AGBL1: variants seen among roughly 807,000 people sequenced by gnomAD.
AGBL1 encodes cytosolic carboxypeptidase 4.
AGBL1 carries 130 observed loss-of-function variants against 118.9 expected under a neutral mutation model. The observed-to-expected ratio is 1.09, with a 90% CI of 0.95 to 1.26. The LOEUF (loss-of-function observed/expected upper bound fraction) is 1.26. Ranked by LOEUF, AGBL1 falls within the 50% of genes most tolerant of loss-of-function variation. The pLI is 0.00. For synonymous variants in AGBL1, 555 were observed against 478.9 expected, an observed-to-expected ratio of 1.16 and a Z score of -2.08; for missense variants, 1,584 against 1,298.1, an observed-to-expected ratio of 1.22 and a Z score of -3.38.
intron 22 of AGBL1, among the ~76,000 whole-genome samples, chr15:86,900,568 G>A (rs2080197346): frequency 6.6e-6 from 1 of 151,952 alleles, no homozygotes; most frequent in Non-Finnish European, 1.5e-5. Flanking sequence ...TCTAACTTCA[G>A]TGTAATTGAT....
At chr15:86,182,915 A>G (rs775828979) in intron 5 of AGBL1, among the ~76,000 whole-genome samples, 25 of 152,218 alleles carry the variant, frequency 1.6e-4, no homozygotes, top group Admixed American at 2.6e-4. Context: ...GTCTATACCC[A>G]TAGCAAGAGA....
At chr15:86,357,085 T>A (rs1468518537) in intron 17 of AGBL1, among the ~76,000 whole-genome samples, 3 of 152,172 alleles carry the variant, frequency 2.0e-5, no homozygotes, top group Non-Finnish European at 2.9e-5. Context: ...CTCAGAATAT[T>A]TTAACGTGGA....
At chr15:86,394,833 C>G (rs1418117088) in intron 17 of AGBL1, among the ~76,000 whole-genome samples, 1 of 152,152 alleles carries the variant, frequency 6.6e-6, no homozygotes, top group Non-Finnish European at 1.5e-5. Context: ...TCCAGAAGGA[C>G]TCACACTCTA....
chr15:86,819,930 G>T (rs893084930), intron 22 of AGBL1, among the ~76,000 whole-genome samples: 5 of 152,054 alleles, frequency 3.3e-5, no homozygotes, highest in African/African-American at 1.2e-4. Flanking sequence ...CATGGTACTG[G>T]TACCAAAACA....
At chr15:86,119,558 AC>A (rs1897965276) in intron 1 of AGBL1, among the ~76,000 whole-genome samples, 1 of 152,150 alleles carries the variant, frequency 6.6e-6, no homozygotes, top group African/African-American at 2.4e-5. Context: ...GGACCCATCA[AC>A]TGGGGCCAGT....
intron 1 of AGBL1, chr15:86,139,758 A>G (rs2076936555): frequency 7.4e-6 from 1 of 134,928 alleles, no homozygotes; most frequent in Non-Finnish European, 1.6e-5. Context: ...AAAATACATT[A>G]ATTGATTTTT....
intron 19 of AGBL1, among the ~76,000 whole-genome samples, chr15:86,536,067 T>G (rs1337274533): frequency 6.6e-6 from 1 of 152,178 alleles, no homozygotes; most frequent in Admixed American, 6.5e-5. Context: ...TCAGTTTGCT[T>G]CCATATTCTT....
chr15:86,626,542 A>G (rs1300654596), intron 21 of AGBL1, among the ~76,000 whole-genome samples: 1 of 152,190 alleles, frequency 6.6e-6, no homozygotes, highest in Non-Finnish European at 1.5e-5. Flanking sequence ...AAGAAAAATA[A>G]CTAATGGGTA....
At chr15:86,733,834 G>A (rs1384039774) in intron 22 of AGBL1, among the ~76,000 whole-genome samples, 2 of 152,068 alleles carry the variant, frequency 1.3e-5, no homozygotes, top group South Asian at 4.2e-4. Flanking sequence ...ATCCTTTATG[G>A]GAACTTCTTT....
chr15:87,002,409 T>C (rs1225134093), intron 24 of AGBL1, among the ~76,000 whole-genome samples: 66 of 151,926 alleles, frequency 4.3e-4, no homozygotes, highest in African/African-American at 1.2e-3. Context: ...AGTCAGGTAG[T>C]GTGATGCCTC....
At chr15:87,019,791 A>C (rs982206122) in intron 24 of AGBL1, among the ~76,000 whole-genome samples, 5 of 152,032 alleles carry the variant, frequency 3.3e-5, no homozygotes, top group African/African-American at 1.2e-4. Flanking sequence ...ACTGAAGGAG[A>C]TAGAAACCCC....
intron 22 of AGBL1, among the ~76,000 whole-genome samples, chr15:86,693,244 C>G (rs2086201889): frequency 6.6e-6 from 1 of 152,044 alleles, no homozygotes; most frequent in Non-Finnish European, 1.5e-5. Flanking sequence ...AAAGTATTCT[C>G]TTTTCACTGC....
intron 22 of AGBL1, among the ~76,000 whole-genome samples, chr15:86,796,392 TG>T (rs1356536840): frequency 6.6e-6 from 1 of 152,222 alleles, no homozygotes; most frequent in Non-Finnish European, 1.5e-5. Context: ...CTGAAGTAGT[TG>T]GTCTCAATCT....
chr15:86,840,511 T>C (rs1041353982), intron 22 of AGBL1, among the ~76,000 whole-genome samples: 2 of 152,126 alleles, frequency 1.3e-5, no homozygotes, highest in Non-Finnish European at 2.9e-5. Flanking sequence ...AATGGCATGA[T>C]CTCGACTCAC....
intron 17 of AGBL1, among the ~76,000 whole-genome samples, chr15:86,395,788 T>G (rs1431664213): frequency 5.3e-5 from 8 of 150,836 alleles, no homozygotes; most frequent in Admixed American, 4.6e-4. Flanking sequence ...TAGGTTTTAT[T>G]TTTTTTTTGG....
At chr15:86,539,015 A>G (rs571769163) in intron 19 of AGBL1, among the ~76,000 whole-genome samples, 33 of 152,368 alleles carry the variant, frequency 2.2e-4, no homozygotes, top group African/African-American at 2.9e-4. Context: ...GTTTGCATGA[A>G]CTAAATTAAC....
intron 18 of AGBL1, among the ~76,000 whole-genome samples, chr15:86,489,312 G>T (rs2082750147): frequency 6.6e-6 from 1 of 152,078 alleles, no homozygotes; most frequent in Admixed American, 6.6e-5. Context: ...CAGTGTGAAT[G>T]AATGAATGAA....
At chr15:86,146,360 T>A (rs1398134898) in intron 3 of AGBL1, among the ~76,000 whole-genome samples, 2 of 152,202 alleles carry the variant, frequency 1.3e-5, no homozygotes, top group African/African-American at 2.4e-5. Context: ...CTAGAGATGA[T>A]GTAAGGTCTG....
At chr15:86,280,844 G>C (rs555869029) in intron 16 of AGBL1, among the ~76,000 whole-genome samples, 2 of 152,126 alleles carry the variant, frequency 1.3e-5, no homozygotes, top group Non-Finnish European at 1.5e-5. Flanking sequence ...TCCATATGTT[G>C]TCTTGCCTAA....
Sources: allele counts gnomAD v4.1 joint callset (sites outside exome capture counted in the v4.1 genomes callset), GRCh38; gene constraint gnomAD v4.1.1; transcripts MANE v1.5; gene names NCBI Gene and HGNC (gene_info 2026-07-23, HGNC 2026-07-21).